The following PLCB4 variants were observed in gnomAD, a reference collection of about 807,000 sequenced individuals.
The protein encoded by PLCB4 is 1-phosphatidylinositol 4,5-bisphosphate phosphodiesterase beta-4.
In PLCB4, 77 loss-of-function variants were observed where a neutral mutation model predicts 178.8. The ratio of observed to expected loss-of-function variants is 0.43; its 90% CI spans 0.36 to 0.52. The LOEUF (loss-of-function observed/expected upper bound fraction) is 0.52. Ranked by LOEUF, PLCB4 falls within the 20% of genes least tolerant of loss-of-function variation. The pLI, the probability that PLCB4 is intolerant of heterozygous loss-of-function variation, is 0.00. For missense variants in PLCB4, 1,024 were observed against 1,453.4 expected, an observed-to-expected ratio of 0.70 and a Z score of 4.80; for synonymous variants, 496 against 490.8, an observed-to-expected ratio of 1.01 and a Z score of -0.14.
At chr20:9,478,845 G>A in intron 39 of PLCB4, 76 bp from the exon 40 acceptor site, 5 of 1,033,126 alleles carry the variant, frequency 4.8e-6, no homozygotes, top group Non-Finnish European at 7.7e-6. Flanking sequence ...ATTTATGGGA[G>A]AAGAGAGGCC....
At chr20:9,246,167 T>C (rs981346684) in intron 3 of PLCB4, among the ~76,000 whole-genome samples, 2 of 152,194 alleles carry the variant, frequency 1.3e-5, no homozygotes, top group Non-Finnish European at 2.9e-5. Context: ...GTATAATACA[T>C]ACTATATACT....
In PLCB4 at chr20:9,281,260, T is replaced by C. The variant is rs117741314; in HGVS notation, c.-15-26540T>C. On this transcript the variant is annotated intron_variant, in intron 3 of 39. Coordinates refer to ENST00000378473, the MANE Select transcript of PLCB4 (RefSeq NM_001377142.1). ...CAAAACAGACACAATAATAGGACCA[T>C]CACATAAAGTCTCTATACAGATTCA... is the stretch of plus-strand genomic sequence containing the variant. Among the ~76,000 whole-genome samples the C allele has an allele frequency of 3.7e-4, 56 of 152,068 alleles. 1 individual carries two copies. In the East Asian group the frequency reaches 0.01, roughly 28 times the overall value.
intron 2 of PLCB4, among the ~76,000 whole-genome samples, chr20:9,192,890 C>T (rs1338896153): frequency 6.6e-6 from 1 of 152,094 alleles, no homozygotes. Flanking sequence ...CAGGTTGGAG[C>T]ACCTATCCGT....
At chr20:9,361,807 C>G (rs1001029729) in intron 7 of PLCB4, among the ~76,000 whole-genome samples, 2 of 152,170 alleles carry the variant, frequency 1.3e-5, no homozygotes, top group Admixed American at 1.3e-4. Context: ...GTCCAACAGT[C>G]CCATCTGTGA....
chr20:9,256,489 A>G (rs1372900625), intron 3 of PLCB4, among the ~76,000 whole-genome samples: 1 of 152,214 alleles, frequency 6.6e-6, no homozygotes, highest in Non-Finnish European at 1.5e-5. Flanking sequence ...ACAAGGTTAC[A>G]AGGCTACTCC....
chr20:9,379,390 A>G (rs1352873990), intron 12 of PLCB4, among the ~76,000 whole-genome samples: 2 of 152,198 alleles, frequency 1.3e-5, no homozygotes, highest in Non-Finnish European at 2.9e-5. Flanking sequence ...TCCCGTAATC[A>G]TTCATGGACT....
intron 3 of PLCB4, among the ~76,000 whole-genome samples, chr20:9,222,674 G>A (rs372559020): frequency 1.1e-4 from 17 of 152,236 alleles, no homozygotes; most frequent in African/African-American, 3.9e-4. Context: ...CATTATGGAG[G>A]TTTTACCTTT....
At chr20:9,451,342 T>G (rs1031839243) in intron 32 of PLCB4, among the ~76,000 whole-genome samples, 8 of 152,206 alleles carry the variant, frequency 5.3e-5, no homozygotes, top group African/African-American at 9.7e-5. Context: ...TGTTCTGCAC[T>G]AAAATATTTA....
chr20:9,080,623 TA>T (rs985005537), intron 1 of PLCB4, among the ~76,000 whole-genome samples: 1 of 152,222 alleles, frequency 6.6e-6, no homozygotes, highest in African/African-American at 2.4e-5. Context: ...ACTTAGCCCT[TA>T]AAATGGTATT....
chr20:9,424,150 G>A (rs2040835188), intron 28 of PLCB4, among the ~76,000 whole-genome samples, 198 bp downstream of exon 28: 1 of 151,990 alleles, frequency 6.6e-6, no homozygotes, highest in African/African-American at 2.4e-5. Context: ...AGTACAAAAC[G>A]AGATGATCTC....
At chr20:9,209,381 G>A (rs568098732) in intron 2 of PLCB4, among the ~76,000 whole-genome samples, 6 of 152,172 alleles carry the variant, frequency 3.9e-5, no homozygotes, top group South Asian at 2.1e-4. Flanking sequence ...GTGGCCCCCC[G>A]AGACTACTGC....
chr20:9,258,576 G>A (rs191388495), intron 3 of PLCB4, among the ~76,000 whole-genome samples: 22 of 151,924 alleles, frequency 1.4e-4, no homozygotes, highest in East Asian at 5.8e-4. Flanking sequence ...TTAGCCGGGT[G>A]TGGTGGCGTG....
At chr20:9,268,956 A>G (rs2094376358) in intron 3 of PLCB4, among the ~76,000 whole-genome samples, 1 of 152,196 alleles carries the variant, frequency 6.6e-6, no homozygotes, top group South Asian at 2.1e-4. Flanking sequence ...TACCTTGCCC[A>G]AAAGGCACTG....
intron 3 of PLCB4, among the ~76,000 whole-genome samples, chr20:9,250,410 A>G (rs538689201): frequency 3.9e-5 from 6 of 152,338 alleles, no homozygotes; most frequent in Non-Finnish European, 8.8e-5. Context: ...AGAACAAAGG[A>G]CAGTGAATGA....
intron 2 of PLCB4, among the ~76,000 whole-genome samples, chr20:9,109,788 C>T (rs1487243913): frequency 6.6e-6 from 1 of 152,094 alleles, no homozygotes; most frequent in Non-Finnish European, 1.5e-5. Flanking sequence ...GACTGAACTG[C>T]AGTCATTGTC....
At chr20:9,181,614 C>T (rs534174646) in intron 2 of PLCB4, among the ~76,000 whole-genome samples, 19 of 152,106 alleles carry the variant, frequency 1.2e-4, no homozygotes, top group African/African-American at 4.6e-4. Context: ...GCACTCAGGT[C>T]GGGGGGATGG....
chr20:9,137,858 T>TC (rs1410469136), intron 2 of PLCB4, among the ~76,000 whole-genome samples: 1 of 151,998 alleles, frequency 6.6e-6, no homozygotes, highest in Non-Finnish European at 1.5e-5. Context: ...CTCTTGTGAT[T>TC]CAGGCACTTT....
intron 2 of PLCB4, among the ~76,000 whole-genome samples, chr20:9,176,665 A>G (rs2093160488): frequency 6.6e-6 from 1 of 152,208 alleles, no homozygotes. Flanking sequence ...AAAATATAAG[A>G]TCTTACTTTA....
chr20:9,414,841 T>C (rs1345752336), intron 25 of PLCB4, among the ~76,000 whole-genome samples: 4 of 152,228 alleles, frequency 2.6e-5, no homozygotes, highest in Admixed American at 2.6e-4. Context: ...TTTTAGACTT[T>C]CATAGGAAAG....
Sources: allele counts gnomAD v4.1 joint callset (sites outside exome capture counted in the v4.1 genomes callset), GRCh38; gene constraint gnomAD v4.1.1; transcripts MANE v1.5; gene names NCBI Gene and HGNC (gene_info 2026-07-23, HGNC 2026-07-21).